The following ETV6 variants were observed in gnomAD, a reference collection of about 807,000 sequenced individuals.
The protein encoded by ETV6 is ETS variant transcription factor 6.
In ETV6, 16 loss-of-function variants were observed where a neutral mutation model predicts 51.1. The ratio of observed to expected loss-of-function variants is 0.31; its 90% confidence interval spans 0.21 to 0.48. The LOEUF is 0.48. ETV6 is among the 20% of genes least tolerant of loss of function. The probability of loss-of-function intolerance (pLI) is 0.99; values close to 1 mark genes in which losing one functional copy is unlikely to be tolerated. For synonymous variants in ETV6, 240 were observed against 224.1 expected, an observed-to-expected ratio of 1.07 and a Z score of -0.64; for missense variants, 458 against 594.8, an observed-to-expected ratio of 0.77 and a Z score of 2.39.
chr12:11,801,945 A>G (rs1945755435), intron 2 of ETV6, among the ~76,000 whole-genome samples: 1 of 152,080 alleles, frequency 6.6e-6, no homozygotes, highest in South Asian at 2.1e-4. Context: ...TGCTACCTTC[A>G]AGCCCTGTTG....
At chr12:11,771,929 A>T (rs936465232) in intron 2 of ETV6, among the ~76,000 whole-genome samples, 1 of 152,222 alleles carries the variant, frequency 6.6e-6, no homozygotes, top group Non-Finnish European at 1.5e-5. Flanking sequence ...TGAGGAAATC[A>T]CCTCGCAGGT....
rs558846860 is a variant in ETV6 at position 11,778,036 on chromosome 12, G to A, written c.163+25457G>A. Among the ~76,000 whole-genome samples, 178 of 152,282 alleles carry A rather than the reference G, an allele frequency of 1.2e-3. No homozygotes were observed. The Middle Eastern group carries it at 0.017, about 15-fold the overall frequency. Reference sequence around the variant, plus strand: ...GTTCTTAAGCATTTATGAATGGGTGGATCTCACCTACGTGACCTGGAACTT... The same window carrying A: ...GTTCTTAAGCATTTATGAATGGGTGAATCTCACCTACGTGACCTGGAACTT... On this transcript the variant is annotated intron_variant, in intron 2 of 7. Transcript: ENST00000396373.
At chr12:11,722,721 A>G (rs574259369) in intron 1 of ETV6, among the ~76,000 whole-genome samples, 1 of 152,356 alleles carries the variant, frequency 6.6e-6, no homozygotes, top group Admixed American at 6.5e-5. Context: ...AGAAATGGAC[A>G]ACCCAAATAT....
chr12:11,750,834 A>G, intron 1 of ETV6: 1 of 466,174 alleles, frequency 2.1e-6, no homozygotes, highest in South Asian at 1.6e-5. Flanking sequence ...TTCATCCCAA[A>G]CCAAACACCA....
At chr12:11,807,701 A>G (rs946700742) in intron 2 of ETV6, among the ~76,000 whole-genome samples, 6 of 152,340 alleles carry the variant, frequency 3.9e-5, no homozygotes, top group African/African-American at 1.4e-4. Context: ...GCTTTACCTA[A>G]GTGGTTATAT....
chr12:11,698,115 T>A (rs536103806), intron 1 of ETV6, among the ~76,000 whole-genome samples: 71 of 152,222 alleles, frequency 4.7e-4, no homozygotes, highest in Non-Finnish European at 9.1e-4. Flanking sequence ...CCACTGACTC[T>A]TCTAAGTATC....
At chr12:11,789,221 A>G (rs1945540798) in intron 2 of ETV6, among the ~76,000 whole-genome samples, 1 of 151,804 alleles carries the variant, frequency 6.6e-6, no homozygotes, top group African/African-American at 2.4e-5. Context: ...TTTAGTAGAG[A>G]CGGGTTTTCA....
At chr12:11,751,558 C>T (rs932362838) in intron 1 of ETV6, among the ~76,000 whole-genome samples, 2 of 152,154 alleles carry the variant, frequency 1.3e-5, no homozygotes, top group Admixed American at 6.5e-5. Context: ...CCATTATTTG[C>T]GGTATTTTAA....
intron 1 of ETV6, among the ~76,000 whole-genome samples, chr12:11,700,722 GTCTTCATCT>G (rs1437209100): frequency 6.6e-6 from 1 of 152,160 alleles, no homozygotes; most frequent in Non-Finnish European, 1.5e-5. Flanking sequence ...CATCATAAAG[GTCTTCATCT>G]TCATCATCTT....
At chr12:11,781,282 G>T (rs759943399) in intron 2 of ETV6, among the ~76,000 whole-genome samples, 1 of 152,172 alleles carries the variant, frequency 6.6e-6, no homozygotes, top group Non-Finnish European at 1.5e-5. Flanking sequence ...GAGATAGCAG[G>T]ACAGTCCTCC....
At chr12:11,860,218 T>A (rs1946695785) in intron 4 of ETV6, among the ~76,000 whole-genome samples, 1 of 152,198 alleles carries the variant, frequency 6.6e-6, no homozygotes, top group African/African-American at 2.4e-5. Context: ...ATCCTGTCAC[T>A]GGTTGTAAAC....
intron 2 of ETV6, among the ~76,000 whole-genome samples, chr12:11,818,532 A>AC (rs1483387986): frequency 1.2e-5 from 1 of 85,530 alleles, no homozygotes; most frequent in East Asian, 4.9e-4. Flanking sequence ...ACTCTGTCTC[A>AC]AAAAAAAAAA....
At chr12:11,736,401 T>C (rs1158845588) in intron 1 of ETV6, among the ~76,000 whole-genome samples, 1 of 152,172 alleles carries the variant, frequency 6.6e-6, no homozygotes, top group Non-Finnish European at 1.5e-5. Context: ...TGAGATGGGA[T>C]TTAAATTTTA....
intron 2 of ETV6, among the ~76,000 whole-genome samples, chr12:11,761,264 G>GC (rs1448857106): frequency 6.6e-6 from 1 of 152,018 alleles, no homozygotes; most frequent in East Asian, 1.9e-4. Flanking sequence ...TGACAAGAGG[G>GC]CCCAGATGGA....
chr12:11,651,340 A>G (rs544905469), intron 1 of ETV6, among the ~76,000 whole-genome samples: 2 of 152,344 alleles, frequency 1.3e-5, no homozygotes, highest in African/African-American at 2.4e-5. Context: ...CTGCCTTTCA[A>G]TTAGAGTCTG....
At chr12:11,789,494 C>A (rs1237503388) in intron 2 of ETV6, among the ~76,000 whole-genome samples, 3 of 152,128 alleles carry the variant, frequency 2.0e-5, no homozygotes, top group African/African-American at 7.2e-5. Context: ...CCAGCTATGA[C>A]CTTTGTTCAC....
At chr12:11,838,405 C>T (rs900878067) in intron 2 of ETV6, among the ~76,000 whole-genome samples, 3 of 152,214 alleles carry the variant, frequency 2.0e-5, no homozygotes, top group African/African-American at 7.2e-5. Context: ...GCCAACCTCT[C>T]AGCCCCTGCT....
chr12:11,758,298 T>C (rs1048156352), intron 2 of ETV6, among the ~76,000 whole-genome samples: 2 of 152,168 alleles, frequency 1.3e-5, no homozygotes, highest in African/African-American at 4.8e-5. Context: ...CCTGGCATAG[T>C]GCCTGGCCTG....
At chr12:11,750,792 C>CTTTTTTTTTTTTTTTTTTTTTTTG in intron 1 of ETV6, 3 of 361,494 alleles carry the variant, frequency 8.3e-6, no homozygotes, top group South Asian at 3.9e-5. Context: ...TATGTGTGGG[C>CTTTTTTTTTTTTTTTTTTTTTTTG]TTTTTTTTTT....
Sources: gnomAD v4.1 joint callset for allele counts (sites outside exome capture counted in the v4.1 genomes callset) on GRCh38, gnomAD v4.1.1 for gene constraint, MANE v1.5 for transcripts, NCBI Gene and HGNC (gene_info 2026-07-23, HGNC 2026-07-21) for gene names.